Variants in CPSF2 observed in about 807,000 individuals in gnomAD.
The protein encoded by CPSF2 is cleavage and polyadenylation specificity factor subunit 2.
CPSF2 carries 51 observed loss-of-function variants against 84.2 expected under a neutral mutation model. The ratio of observed to expected loss-of-function variants is 0.61; its 90% CI spans 0.48 to 0.77. The LOEUF is 0.77. Among genes scored for constraint, CPSF2 ranks in the 30% least tolerant of loss-of-function variants. The pLI, the probability that CPSF2 is intolerant of heterozygous loss-of-function variation, is 0.00. For missense variants in CPSF2, 641 were observed against 929.4 expected (o/e 0.69, Z 4.03); for synonymous variants, 286 against 311.9 (o/e 0.92, Z 0.87).
At chr14:92,142,021 A>G in intron 7 of CPSF2, 143 bp from the exon 8 acceptor site, 15 of 559,140 alleles carry the variant, frequency 2.7e-5, no homozygotes, top group African/African-American at 3.8e-5. Context: ...CCTGAACAAA[A>G]TTCCTTCATT....
intron 9 of CPSF2, among the ~76,000 whole-genome samples, chr14:92,146,028 A>G (rs2069138772): frequency 6.6e-6 from 1 of 152,164 alleles, no homozygotes; most frequent in South Asian, 2.1e-4. Flanking sequence ...CACTTCCCAC[A>G]TATTCAAGCC....
rs762709880 is a variant in CPSF2 at position 92,157,628 on chromosome 14, A to G, written c.1596-31A>G. 1 of 1,527,286 alleles carries G rather than the reference A, an allele frequency of 6.5e-7. No individual in the cohort carries two copies. The highest frequency in any genetic ancestry group is 9.0e-7 in the Non-Finnish European group (1 of 1,111,052). The allele number at this position is 1,527,286 out of a possible 1,614,324, so 94.6% of individuals were successfully genotyped here. On this transcript the variant is annotated intron_variant, in intron 12 of 15. Transcript: ENST00000298875. This position sits in a 1 kb window ranked among gnomAD's most constrained non-coding sequence, Gnocchi z 4.0. Reference sequence around the variant, plus strand: ...CATTTTTTTTTAGAATTATGAGAAAAGTAATCTTGAATAATCATATCTAAT... The same window carrying G: ...CATTTTTTTTTAGAATTATGAGAAAGGTAATCTTGAATAATCATATCTAAT...
rs1426084189 is a variant in CPSF2 at position 92,159,358 on chromosome 14, T to C, written c.2121+76T>C. On this transcript the variant is annotated intron_variant, in intron 14 of 15. Transcript: ENST00000298875. ...TAGTTTTCATGTCTTTTGGTTTTTT[T>C]CCCCCCTTCTAAAACTAAGTGGGTC... 31 of 1,254,302 alleles carry C rather than the reference T, an allele frequency of 2.5e-5. 1 individual carries two copies. The highest frequency in any genetic ancestry group is 7.6e-5 in the African/African-American group (5 of 66,224). The allele number at this position is 1,254,302 out of a possible 1,614,324, so 77.7% of individuals were successfully genotyped here. A position where few individuals can be genotyped will look rare whatever the true frequency, so the allele number is the denominator to read the frequency against.
chr14:92,122,014 G>A lies in CPSF2; in HGVS notation c.-208G>A. The A allele has an allele frequency of 1.6e-6, 1 of 624,416 alleles. No individual in the cohort carries two copies. The highest frequency in any genetic ancestry group is 2.8e-6 in the Non-Finnish European group (1 of 358,234). The allele number at this position is 624,416 out of a possible 1,614,324, so 38.7% of individuals were successfully genotyped here. ...TGGCGGCTGCCACTGTGGGGCTTCT[G>A]CCGGCCGGTAGTCCCTGGCGCTGCT... is the stretch of plus-strand genomic sequence containing the variant. On this transcript the variant is annotated 5_prime_UTR_variant, in exon 1 of 16. Coordinates refer to ENST00000298875, the MANE Select transcript of CPSF2 (RefSeq NM_017437.3).
At chr14:92,129,098 A>C (rs1218413029) in intron 2 of CPSF2, among the ~76,000 whole-genome samples, 1 of 152,206 alleles carries the variant, frequency 6.6e-6, no homozygotes, top group Non-Finnish European at 1.5e-5. Context: ...TAGAAGCTGC[A>C]GTGAGGAGCA....
chr14:92,124,285 T>A (rs2068817845), intron 1 of CPSF2, among the ~76,000 whole-genome samples: 1 of 152,162 alleles, frequency 6.6e-6, no homozygotes, highest in Non-Finnish European at 1.5e-5. Context: ...ATATTTGTTT[T>A]TTTAGGATGG....
At chr14:92,127,111 CAG>C (rs2068854153) in intron 2 of CPSF2, among the ~76,000 whole-genome samples, 1 of 152,164 alleles carries the variant, frequency 6.6e-6, no homozygotes, top group Non-Finnish European at 1.5e-5. Context: ...GTGATGAAAA[CAG>C]AGAAGGTCTT....
At chr14:92,131,696 G>A (rs947524523) in intron 3 of CPSF2, among the ~76,000 whole-genome samples, 7 of 152,004 alleles carry the variant, frequency 4.6e-5, no homozygotes, top group South Asian at 2.1e-4. Flanking sequence ...AAAATTAGCC[G>A]GGTGTGATGG....
intron 5 of CPSF2, 144 bp from the exon 6 acceptor site, chr14:92,135,223 T>C: frequency 1.6e-6 from 1 of 627,662 alleles, no homozygotes; most frequent in Non-Finnish European, 2.6e-6. Flanking sequence ...GAGTGAAGCC[T>C]GCTTTCACTA....
intron 9 of CPSF2, among the ~76,000 whole-genome samples, chr14:92,143,600 A>C (rs1475018805): frequency 6.6e-6 from 1 of 151,956 alleles, no homozygotes; most frequent in Non-Finnish European, 1.5e-5. Context: ...AGAGTTCCTT[A>C]ACTGGAGGTT....
At chr14:92,152,418 C>T (rs936577124) in intron 9 of CPSF2, among the ~76,000 whole-genome samples, 2 of 151,502 alleles carry the variant, frequency 1.3e-5, no homozygotes, top group East Asian at 1.9e-4. Context: ...TGTGAGCCGT[C>T]GCGCCCGGCC....
intron 2 of CPSF2, among the ~76,000 whole-genome samples, chr14:92,128,679 G>A (rs907771508): frequency 5.3e-5 from 8 of 152,174 alleles, no homozygotes; most frequent in Non-Finnish European, 7.3e-5. Context: ...AAAAACAGGA[G>A]GGGGTCATGG....
rs2069421539 is a variant in CPSF2 at position 92,164,769 on chromosome 14, A to T, written c.*3025A>T. ...AGGTGAGCCATTTGGCTTTTTTAAA[A>T]AATTGAGATTCAACTTACATACCAT... On this transcript the variant is annotated 3_prime_UTR_variant, in exon 16 of 16. Transcript: ENST00000298875. The T allele has an allele frequency of 1.3e-5, 2 of 152,262 alleles. No individual in the cohort carries two copies. The highest frequency in any genetic ancestry group is 2.9e-5 in the Non-Finnish European group (2 of 68,048). 9.4% of individuals were successfully genotyped at this position (152,262 alleles called of 1,614,324 possible). A position where few individuals can be genotyped will look rare whatever the true frequency, so the allele number is the denominator to read the frequency against.
chr14:92,159,141 A>G lies in CPSF2; in HGVS notation c.1980A>G (p.Ser660=), dbSNP rs374552321. 1.2e-5 allele frequency: 20 copies of G among 1,614,154 alleles called. No homozygotes were observed. In the African/African-American group the frequency reaches 2.0e-4, roughly 16 times the overall value. The change falls in exon 14 of 16, where the codon TCA becomes TCG. Residue 660 remains serine, a synonymous_variant. Transcript: ENST00000298875. The stretch of plus-strand genomic sequence containing the variant: ...AACTAAAGGATGATGGAGAAGACTC[A>G]GAGATGCAAGTGGAAGCTCCCTCAG... ...EGELKDDGED[S]EMQVEAPSDS...
intron 2 of CPSF2, among the ~76,000 whole-genome samples, chr14:92,127,414 C>T (rs1426977957): frequency 1.3e-5 from 2 of 152,138 alleles, no homozygotes; most frequent in African/African-American, 4.8e-5. Context: ...GAAAGTATAT[C>T]ACTGGAAGTG....
At chr14:92,128,235 C>CA (rs60307952) in intron 2 of CPSF2, among the ~76,000 whole-genome samples, 29,778 of 141,312 alleles carry the variant, frequency 0.21, 3,278 homozygotes, top group East Asian at 0.54. Context: ...AACTCTGTCT[C>CA]AAAAAAAAAA....
intron 2 of CPSF2, 65 bp from the exon 3 acceptor site, chr14:92,130,886 A>G (rs952296133): frequency 1.1e-5 from 11 of 972,468 alleles, no homozygotes; most frequent in Non-Finnish European, 1.6e-5. Flanking sequence ...ATTTTAATCA[A>G]TTTGTTTATT....
At chr14:92,159,341 A>G in intron 14 of CPSF2, 59 bp downstream of exon 14, 1 of 1,433,560 alleles carries the variant, frequency 7.0e-7, no homozygotes, top group Non-Finnish European at 9.5e-7. Flanking sequence ...TCTAGTTTTC[A>G]TGTCTTTTGG....
At chr14:92,127,970 G>A (rs1408956743) in intron 2 of CPSF2, among the ~76,000 whole-genome samples, 1 of 152,212 alleles carries the variant, frequency 6.6e-6, no homozygotes, top group Non-Finnish European at 1.5e-5. Flanking sequence ...AGAGGAGGAG[G>A]TGTGGAGTAG....
Sources: gnomAD v4.1 joint callset for allele counts (sites outside exome capture counted in the v4.1 genomes callset) on GRCh38, gnomAD v4.1.1 for gene constraint, Gnocchi (gnomAD v3.1) non-coding constraint, MANE v1.5 for transcripts, NCBI Gene and HGNC (gene_info 2026-07-23, HGNC 2026-07-21) for gene names.